Variants in PCDHA10 observed in about 807,000 individuals in gnomAD.
The protein encoded by PCDHA10 is protocadherin alpha-10.
Under a neutral mutation model 61.2 loss-of-function variants are expected in PCDHA10, and 45 were observed. The ratio of observed to expected loss-of-function variants is 0.74; its 90% CI spans 0.58 to 0.94. The LOEUF (loss-of-function observed/expected upper bound fraction) is 0.94. PCDHA10 is among the 40% of genes least tolerant of loss of function. PCDHA10 has a pLI of 0.00. For missense variants in PCDHA10, 1,278 were observed against 1,236.2 expected, an observed-to-expected ratio of 1.03 and a Z score of -0.51; for synonymous variants, 602 against 548.8, an observed-to-expected ratio of 1.10 and a Z score of -1.35.
intron 1 of PCDHA10, chr5:140,862,697 T>C (rs2047497328): frequency 1.8e-6 from 1 of 556,706 alleles, no homozygotes; most frequent in East Asian, 5.0e-5. Context: ...TACTCGTTGA[T>C]GGAACAGCGG....
intron 3 of PCDHA10, among the ~76,000 whole-genome samples, chr5:141,000,417 A>ATT (rs1563652061): frequency 3.2e-4 from 25 of 77,724 alleles, no homozygotes; most frequent in African/African-American, 1.1e-3. Context: ...ATATATATAT[A>ATT]TATATTTTTT....
At chr5:140,881,336 G>A in intron 1 of PCDHA10, 1 of 985,066 alleles carries the variant, frequency 1.0e-6, no homozygotes, top group Non-Finnish European at 1.2e-6. Context: ...CCAGGACGCC[G>A]ATTCGGGCTA....
At chr5:140,893,762 T>A (rs1337056301) in intron 1 of PCDHA10, among the ~76,000 whole-genome samples, 1 of 152,196 alleles carries the variant, frequency 6.6e-6, no homozygotes, top group Non-Finnish European at 1.5e-5. Context: ...TATAGGTGAC[T>A]TGTCACTTTT....
chr5:140,916,584 G>T (rs1257440146), intron 1 of PCDHA10, among the ~76,000 whole-genome samples: 1 of 152,186 alleles, frequency 6.6e-6, no homozygotes, highest in Non-Finnish European at 1.5e-5. Flanking sequence ...TGTCATCCAT[G>T]AGCTAGGGCC....
chr5:140,877,081 G>T (rs201590988), intron 1 of PCDHA10: 2 of 1,613,120 alleles, frequency 1.2e-6, no homozygotes, highest in Non-Finnish European at 1.7e-6. Flanking sequence ...CCAGGTGAGC[G>T]CGCGCGACGC....
intron 1 of PCDHA10, chr5:140,966,880 C>T (rs1554228837): frequency 1.3e-6 from 2 of 1,588,288 alleles, no homozygotes; most frequent in Admixed American, 3.5e-5. Flanking sequence ...TGCTACCTGG[C>T]CCTGCGGCCT....
At chr5:140,974,779 C>T (rs950634910) in intron 1 of PCDHA10, among the ~76,000 whole-genome samples, 1 of 152,160 alleles carries the variant, frequency 6.6e-6, no homozygotes, top group African/African-American at 2.4e-5. Context: ...TGAGCCACTG[C>T]GCCCAGCCCT....
At chr5:140,995,390 C>A (rs1198231096) in intron 3 of PCDHA10, among the ~76,000 whole-genome samples, 1 of 152,088 alleles carries the variant, frequency 6.6e-6, no homozygotes, top group Non-Finnish European at 1.5e-5. Flanking sequence ...CAGGATAAAG[C>A]GGGATGGCTC....
intron 1 of PCDHA10, chr5:140,928,025 G>T: frequency 6.2e-7 from 1 of 1,614,148 alleles, no homozygotes; most frequent in South Asian, 1.1e-5. Flanking sequence ...GTCATTTGTG[G>T]CATGTCTAGT....
At position 140,856,169 on chromosome 5, in the gene PCDHA10, G is replaced by T. The variant is rs200441286; in HGVS notation, c.121G>T (p.Gly41Cys). ...CTCAGTCTACGAGGAGGCCAGACACGGCACCTTCGTGGGCCGCATCGCGCA... is the reference window on the plus strand; with the variant it reads ...CTCAGTCTACGAGGAGGCCAGACACTGCACCTTCGTGGGCCGCATCGCGCA... Reference protein sequence around the residue: ...HYSVYEEARHGTFVGRIAQDL... With the variant: ...HYSVYEEARHCTFVGRIAQDL... The change falls in exon 1 of 4, where the codon GGC (glycine) becomes TGC (cysteine). Residue 41 changes from glycine (G) to cysteine (C), a missense_variant. Physicochemically the swap from Gly to Cys is radical, Grantham distance 159. Transcript: ENST00000307360. 11 of 1,598,346 alleles carry T rather than the reference G, an allele frequency of 6.9e-6. 2 individuals are homozygous for T. Among genetic ancestry groups the T allele is most frequent in the Admixed American group, 1.7e-5 (1 of 59,282 alleles).
chr5:140,912,918 G>A (rs1302662045), intron 1 of PCDHA10, among the ~76,000 whole-genome samples: 16 of 152,284 alleles, frequency 1.1e-4, no homozygotes, highest in Middle Eastern at 3.4e-3. Flanking sequence ...ATTGATTTGT[G>A]TATGTTGAAT....
intron 1 of PCDHA10, chr5:140,868,902 T>G (rs2050730920): frequency 1.2e-6 from 1 of 837,896 alleles, no homozygotes; most frequent in African/African-American, 1.7e-5. Context: ...AAGGTGTCGC[T>G]CTTTACTTGG....
At chr5:141,000,395 C>CTATATA (rs1190667031) in intron 3 of PCDHA10, among the ~76,000 whole-genome samples, 4 of 53,980 alleles carry the variant, frequency 7.4e-5, no homozygotes, top group East Asian at 6.1e-4. Context: ...CTCTCTCTCT[C>CTATATA]TATATATATA....
At chr5:140,932,707 A>G (rs147056775) in intron 1 of PCDHA10, among the ~76,000 whole-genome samples, 1 of 152,086 alleles carries the variant, frequency 6.6e-6, no homozygotes, top group African/African-American at 2.4e-5. Flanking sequence ...CATATAGACA[A>G]CACAATAATA....
At chr5:140,868,961 A>G in intron 1 of PCDHA10, 1 of 1,418,552 alleles carries the variant, frequency 7.0e-7, no homozygotes, top group Non-Finnish European at 9.5e-7. Context: ...ACTCCCATAC[A>G]AAGGAACTCC....
intron 1 of PCDHA10, among the ~76,000 whole-genome samples, chr5:140,926,161 A>C (rs1205520517): frequency 6.6e-6 from 1 of 151,712 alleles, no homozygotes. Flanking sequence ...GCTCTGCAGC[A>C]GGATCCAGCG....
At chr5:140,942,541 G>T (rs1241528363) in intron 1 of PCDHA10, among the ~76,000 whole-genome samples, 1 of 152,056 alleles carries the variant, frequency 6.6e-6, no homozygotes, top group Non-Finnish European at 1.5e-5. Context: ...CAGTATGGTG[G>T]GGGGTAGGGG....
At chr5:140,935,255 C>T (rs914593610) in intron 1 of PCDHA10, among the ~76,000 whole-genome samples, 4 of 152,150 alleles carry the variant, frequency 2.6e-5, no homozygotes, top group African/African-American at 9.7e-5. Context: ...TAAAATACAT[C>T]ACATGTTTAT....
intron 1 of PCDHA10, chr5:140,862,267 A>G (rs968907254): frequency 8.7e-6 from 2 of 230,002 alleles, no homozygotes; most frequent in African/African-American, 4.5e-5. Flanking sequence ...GCAGTAAGTC[A>G]CTATCATTCC....
Sources: allele counts gnomAD v4.1 joint callset (sites outside exome capture counted in the v4.1 genomes callset), GRCh38; gene constraint gnomAD v4.1.1; transcripts MANE v1.5; gene names NCBI Gene and HGNC (gene_info 2026-07-23, HGNC 2026-07-21).